HERC4: variants seen among roughly 807,000 people sequenced by gnomAD.
HERC4 encodes probable E3 ubiquitin-protein ligase HERC4.
In HERC4, 28 loss-of-function variants were observed where a neutral mutation model predicts 124.3. That is an observed-to-expected ratio of 0.23 (90% CI 0.17 to 0.31). The LOEUF (loss-of-function observed/expected upper bound fraction) is 0.31, where lower values mean the gene tolerates loss of function less well. Ranked by LOEUF, HERC4 falls within the 10% of genes least tolerant of loss-of-function variation. The pLI is 1.00. For missense variants in HERC4, 713 were observed against 1,229.3 expected (o/e 0.58, Z 6.28); for synonymous variants, 407 against 421.5 (o/e 0.97, Z 0.42).
chr10:68,061,531 T>TAAA (rs2041011813), intron 3 of HERC4, among the ~76,000 whole-genome samples: 1 of 26,132 alleles, frequency 3.8e-5, no homozygotes, highest in Admixed American at 7.7e-4. Flanking sequence ...AGACTCCGTC[T>TAAA]CAAAAAAAAA....
At chr10:67,971,442 G>GC (rs1185547477) in intron 15 of HERC4, among the ~76,000 whole-genome samples, 1 of 151,898 alleles carries the variant, frequency 6.6e-6, no homozygotes, top group Non-Finnish European at 1.5e-5. Flanking sequence ...CAAATATAAT[G>GC]CCAAGTAAAG....
intron 9 of HERC4, among the ~76,000 whole-genome samples, chr10:68,007,502 G>A (rs555619369): frequency 3.9e-5 from 6 of 152,158 alleles, no homozygotes; most frequent in East Asian, 1.9e-4. Context: ...TTCCTGGATC[G>A]TCTTGATGCT....
intron 15 of HERC4, among the ~76,000 whole-genome samples, chr10:67,971,602 C>T (rs1564982356): frequency 6.6e-6 from 1 of 152,080 alleles, no homozygotes; most frequent in Non-Finnish European, 1.5e-5. Context: ...TAAACACTCT[C>T]AGCAAATGAG....
chr10:68,060,442 T>C (rs1459525025), intron 3 of HERC4, among the ~76,000 whole-genome samples: 1 of 152,126 alleles, frequency 6.6e-6, no homozygotes, highest in Non-Finnish European at 1.5e-5. Context: ...AGTTTCACCA[T>C]GTTGGCCAGG....
intron 8 of HERC4, among the ~76,000 whole-genome samples, chr10:68,017,254 C>T (rs1564551330): frequency 6.6e-6 from 1 of 152,150 alleles, no homozygotes; most frequent in Non-Finnish European, 1.5e-5. Context: ...TGTAACAAAG[C>T]CACCCTAGCT....
chr10:67,941,811 C>A (rs1484782351), intron 19 of HERC4, among the ~76,000 whole-genome samples: 1 of 151,468 alleles, frequency 6.6e-6, no homozygotes, highest in South Asian at 2.1e-4. Flanking sequence ...CACACCACCA[C>A]AGCCAGGCTA....
At position 67,992,343 on chromosome 10, in the gene HERC4, T is replaced by C. The variant is rs369205851; in HGVS notation, c.1147-20A>G. 1.8e-4 allele frequency: 286 copies of C among 1,611,552 alleles called. No homozygotes were observed. Among genetic ancestry groups the C allele is most frequent in the Non-Finnish European group, 2.2e-4 (261 of 1,178,488 alleles). On this transcript the variant is annotated intron_variant, in intron 10 of 24. Transcript: ENST00000373700. Reference sequence around the variant, plus strand: ...ACAGTTCTAAATTTTCAAATAAGATTAGTCAGAGGGAAGAGATATTATATA... The same window carrying C: ...ACAGTTCTAAATTTTCAAATAAGATCAGTCAGAGGGAAGAGATATTATATA...
chr10:67,950,098 T>C (rs1455876849), intron 19 of HERC4, among the ~76,000 whole-genome samples: 1 of 152,138 alleles, frequency 6.6e-6, no homozygotes, highest in African/African-American at 2.4e-5. Flanking sequence ...TATTCTTTTA[T>C]GATAAAAATG....
intron 3 of HERC4, among the ~76,000 whole-genome samples, chr10:68,049,030 C>T (rs2040152791): frequency 6.6e-6 from 1 of 152,040 alleles, no homozygotes; most frequent in Admixed American, 6.5e-5. Context: ...ACCCTTCAGA[C>T]CTAGCAATTC....
At chr10:68,061,002 C>T (rs906023252) in intron 3 of HERC4, among the ~76,000 whole-genome samples, 19 of 152,140 alleles carry the variant, frequency 1.2e-4, no homozygotes, top group African/African-American at 4.3e-4. Context: ...TCAGATACTC[C>T]TAATTCTGCT....
At chr10:67,987,297 T>C (rs1295002697) in intron 15 of HERC4, among the ~76,000 whole-genome samples, 1 of 152,084 alleles carries the variant, frequency 6.6e-6, no homozygotes, top group African/African-American at 2.4e-5. Flanking sequence ...CCTTCCATTT[T>C]CTCGAGGTAA....
At chr10:67,992,524 T>C (rs1227319099) in intron 10 of HERC4, 82 bp downstream of exon 10, 16 of 1,062,052 alleles carry the variant, frequency 1.5e-5, no homozygotes, top group African/African-American at 1.3e-4. Context: ...CTTTGTAACA[T>C]ATAAAGAACA....
chr10:67,923,070 G>A lies in HERC4; in HGVS notation c.3011C>T (p.Thr1004Ile), dbSNP rs1328184594. The part of the protein sequence containing the change: ...MKSLKLVIQS[T>I]GGGEEYLPVS... ...TGGGAGATACTCCTCACCACCTCCT[G>A]TGGACTGGATGACTAGTTTCAGACT... Residue 1004 changes from threonine to isoleucine, a missense_variant, in exon 25 of 25, where the codon ACA (threonine) becomes ATA (isoleucine). Physicochemically the swap from Thr to Ile is moderately conservative, Grantham distance 89. Transcript: ENST00000373700. 2 of 1,613,868 alleles carry A rather than the reference G, an allele frequency of 1.2e-6. No homozygotes were observed. The highest frequency in any genetic ancestry group is 1.3e-5 in the African/African-American group (1 of 75,032).
chr10:67,946,663 C>G (rs1275205664), intron 19 of HERC4, among the ~76,000 whole-genome samples: 1 of 152,072 alleles, frequency 6.6e-6, no homozygotes, highest in Non-Finnish European at 1.5e-5. Flanking sequence ...AATCCCAACA[C>G]TTTGGGAGGC....
intron 19 of HERC4, among the ~76,000 whole-genome samples, chr10:67,951,503 AC>A (rs2033788487): frequency 6.6e-6 from 1 of 152,092 alleles, no homozygotes; most frequent in South Asian, 2.1e-4. Context: ...AAACCCTTTC[AC>A]TGTTTGTTCT....
intron 15 of HERC4, among the ~76,000 whole-genome samples, chr10:67,973,398 C>T (rs2035371079): frequency 6.6e-6 from 1 of 152,148 alleles, no homozygotes; most frequent in Non-Finnish European, 1.5e-5. Flanking sequence ...TCAGCCAAGG[C>T]TTAGGCTAAA....
chr10:68,017,305 C>A (rs1339210601), intron 8 of HERC4, among the ~76,000 whole-genome samples: 1 of 152,138 alleles, frequency 6.6e-6, no homozygotes, highest in African/African-American at 2.4e-5. Context: ...GAATAGGCAG[C>A]CTGAAACAGA....
chr10:68,007,230 C>T (rs776860789), intron 9 of HERC4, among the ~76,000 whole-genome samples: 5 of 151,974 alleles, frequency 3.3e-5, no homozygotes, highest in Non-Finnish European at 7.4e-5. Flanking sequence ...TCTGCTTGAT[C>T]AATTCTGCTG....
chr10:68,008,686 A>G (rs1014752409), intron 9 of HERC4, among the ~76,000 whole-genome samples: 2 of 152,218 alleles, frequency 1.3e-5, no homozygotes, highest in African/African-American at 4.8e-5. Context: ...TATATACCCA[A>G]AAGAACTGAA....
Sources: gnomAD v4.1 joint callset for allele counts (sites outside exome capture counted in the v4.1 genomes callset) on GRCh38, gnomAD v4.1.1 for gene constraint, MANE v1.5 for transcripts, NCBI Gene and HGNC (gene_info 2026-07-23, HGNC 2026-07-21) for gene names.